The following RBFOX1 variants were observed in gnomAD, a reference collection of about 807,000 sequenced individuals.
RBFOX1 encodes RNA binding fox-1 homolog 1, also known as RNA binding protein fox-1 homolog 1.
A neutral mutation model predicts 57.7 loss-of-function variants in RBFOX1; 8 were observed. The observed-to-expected ratio is 0.14, with a 90% CI of 0.08 to 0.25. The LOEUF (loss-of-function observed/expected upper bound fraction) is 0.25. RBFOX1 is among the 10% of genes least tolerant of loss of function. RBFOX1 has a pLI of 1.00. For synonymous variants in RBFOX1, 326 were observed against 222.4 expected, an observed-to-expected ratio of 1.47 and a Z score of -4.15; for missense variants, 611 against 548.5, an observed-to-expected ratio of 1.11 and a Z score of -1.14.
intron 3 of RBFOX1, among the ~76,000 whole-genome samples, chr16:5,759,651 T>C (rs1453979857): frequency 6.6e-6 from 1 of 152,210 alleles, no homozygotes; most frequent in Non-Finnish European, 1.5e-5. Context: ...AAAGCTCTCA[T>C]GCTGATCTCC....
intron 4 of RBFOX1, among the ~76,000 whole-genome samples, chr16:7,416,505 G>T (rs2098479388): frequency 6.6e-6 from 1 of 152,110 alleles, no homozygotes; most frequent in South Asian, 2.1e-4. Flanking sequence ...CTGGGAGGGG[G>T]GCCTTGTAGA....
chr16:6,210,328 A>C (rs867771117), intron 1 of RBFOX1, among the ~76,000 whole-genome samples: 6 of 117,440 alleles, frequency 5.1e-5, no homozygotes, highest in East Asian at 5.4e-4. Context: ...AAAAAAAAAA[A>C]CAAAAAAACA....
At chr16:7,706,531 C>G (rs897412257) in intron 14 of RBFOX1, among the ~76,000 whole-genome samples, 1 of 152,156 alleles carries the variant, frequency 6.6e-6, no homozygotes, top group Middle Eastern at 3.2e-3. Context: ...TATAGTGTCT[C>G]CCCAGAAGAG....
At chr16:7,096,959 A>C (rs1271598640) in intron 4 of RBFOX1, among the ~76,000 whole-genome samples, 1 of 142,804 alleles carries the variant, frequency 7.0e-6, no homozygotes, top group Non-Finnish European at 1.5e-5. Context: ...AAAAGGACTG[A>C]GAATAGGGAA....
chr16:7,693,506 G>A, intron 14 of RBFOX1: 2 of 661,142 alleles, frequency 3.0e-6, no homozygotes, highest in East Asian at 2.7e-5. Flanking sequence ...TTATATCTTT[G>A]GAGTACAGCT....
At chr16:5,790,514 A>AAG (rs2054655002) in intron 3 of RBFOX1, among the ~76,000 whole-genome samples, 1 of 152,006 alleles carries the variant, frequency 6.6e-6, no homozygotes, top group Non-Finnish European at 1.5e-5. Flanking sequence ...TATGCTGAAA[A>AAG]AAAAAAAAGG....
chr16:6,774,420 A>G (rs114732580), intron 3 of RBFOX1, among the ~76,000 whole-genome samples: 2,934 of 152,208 alleles, frequency 0.019, 110 homozygotes, highest in African/African-American at 0.066. Flanking sequence ...TAAAACTGGG[A>G]CTCTAAATAA....
chr16:6,614,674 C>T (rs1321022179), intron 2 of RBFOX1, among the ~76,000 whole-genome samples: 1 of 152,094 alleles, frequency 6.6e-6, no homozygotes, highest in Non-Finnish European at 1.5e-5. Flanking sequence ...TAGTGATTTG[C>T]CCCACAGTCT....
intron 3 of RBFOX1, chr16:6,983,619 A>T (rs1221781057): frequency 6.6e-6 from 1 of 152,202 alleles, no homozygotes; most frequent in African/African-American, 2.4e-5. Flanking sequence ...CTTTTATATT[A>T]ATTTCTTAAT....
At chr16:6,290,661 CG>C (rs776612572) in intron 1 of RBFOX1, among the ~76,000 whole-genome samples, 3 of 152,102 alleles carry the variant, frequency 2.0e-5, no homozygotes, top group Non-Finnish European at 4.4e-5. Flanking sequence ...GGAAATTTTA[CG>C]TATCAGGTGT....
intron 4 of RBFOX1, among the ~76,000 whole-genome samples, chr16:5,921,398 A>G (rs557016893): frequency 6.6e-6 from 1 of 152,330 alleles, no homozygotes; most frequent in East Asian, 1.9e-4. Context: ...GATGAAAGTT[A>G]GGAGCAAAGT....
chr16:5,927,380 G>A (rs1420711625), intron 4 of RBFOX1, among the ~76,000 whole-genome samples: 2 of 152,318 alleles, frequency 1.3e-5, no homozygotes, highest in East Asian at 1.9e-4. Context: ...GGCACCAATG[G>A]CTTTTAACAC....
chr16:6,261,854 C>CA (rs1555587536), intron 1 of RBFOX1, among the ~76,000 whole-genome samples: 1 of 150,672 alleles, frequency 6.6e-6, no homozygotes, highest in African/African-American at 2.5e-5. Flanking sequence ...AAAAACAAAA[C>CA]AAAACAAAAA....
intron 1 of RBFOX1, among the ~76,000 whole-genome samples, chr16:6,039,168 G>T (rs1189038597): frequency 6.6e-6 from 1 of 151,910 alleles, no homozygotes; most frequent in African/African-American, 2.4e-5. Context: ...TGCATGAGAG[G>T]GCATTTCCTC....
intron 2 of RBFOX1, among the ~76,000 whole-genome samples, chr16:6,428,074 G>T (rs180789941): frequency 5.9e-5 from 9 of 152,102 alleles, no homozygotes; most frequent in Non-Finnish European, 8.8e-5. Context: ...CTTGAGCCTG[G>T]GAGTTCAAGA....
At chr16:7,086,739 C>CAG (rs772840077) in intron 4 of RBFOX1, among the ~76,000 whole-genome samples, 1 of 151,914 alleles carries the variant, frequency 6.6e-6, no homozygotes, top group Admixed American at 6.6e-5. Context: ...CACACACACA[C>CAG]ACTTTAAAAT....
intron 14 of RBFOX1, among the ~76,000 whole-genome samples, chr16:7,702,916 G>C (rs1467126547): frequency 6.6e-6 from 1 of 152,228 alleles, no homozygotes; most frequent in Non-Finnish European, 1.5e-5. Flanking sequence ...ATCTGAGTGG[G>C]ATGAGAATCA....
chr16:7,067,033 A>G (rs1224178285), intron 4 of RBFOX1, among the ~76,000 whole-genome samples: 1 of 152,200 alleles, frequency 6.6e-6, no homozygotes, highest in African/African-American at 2.4e-5. Context: ...CAGAGCATCT[A>G]CTGTAAGTAA....
At chr16:6,670,877 G>T (rs927270878) in intron 3 of RBFOX1, among the ~76,000 whole-genome samples, 9 of 152,080 alleles carry the variant, frequency 5.9e-5, no homozygotes, top group African/African-American at 2.2e-4. Flanking sequence ...GCGGGAGCCT[G>T]TAGTCCCAGC....
Sources: gnomAD v4.1 joint callset for allele counts (sites outside exome capture counted in the v4.1 genomes callset) on GRCh38, gnomAD v4.1.1 for gene constraint, MANE v1.5 for transcripts, NCBI Gene and HGNC (gene_info 2026-07-23, HGNC 2026-07-21) for gene names.